The following MZT1 variants were observed in gnomAD, a reference collection of about 807,000 sequenced individuals.
MZT1 encodes the protein mitotic-spindle organizing protein 1.
A neutral mutation model predicts 8.5 loss-of-function variants in MZT1; 8 were observed. That is an observed-to-expected ratio of 0.94 (90% confidence interval 0.55 to 1.70). The LOEUF (loss-of-function observed/expected upper bound fraction) is 1.70. Among genes scored for constraint, MZT1 ranks in the 40% most tolerant of loss-of-function variants. The pLI, the probability that MZT1 is intolerant of heterozygous loss-of-function variation, is 0.00. For missense variants in MZT1, 93 were observed against 108.6 expected, an observed-to-expected ratio of 0.86 and a Z score of 0.64; for synonymous variants, 38 against 42.0, an observed-to-expected ratio of 0.90 and a Z score of 0.37.
At chr13:72,712,800 C>T (rs557135283) in intron 2 of MZT1, among the ~76,000 whole-genome samples, 1 of 152,294 alleles carries the variant, frequency 6.6e-6, no homozygotes, top group South Asian at 2.1e-4. Flanking sequence ...CTCTTATATG[C>T]ACTCAAACTG....
chr13:72,723,412 C>T (rs537839110), intron 1 of MZT1, among the ~76,000 whole-genome samples: 1 of 152,110 alleles, frequency 6.6e-6, no homozygotes, highest in African/African-American at 2.4e-5. Flanking sequence ...CCGCAAAATC[C>T]AAAACTTATT....
In MZT1 at chr13:72,708,851, G is replaced by T. The variant is rs1444452154; in HGVS notation, c.*1471C>A. Reference sequence around the variant, plus strand: ...TTAAAAAAAAAAAAAGGCAGAGAAGGTTGCTATTTAAATATTACCAAATCT... The same window carrying T: ...TTAAAAAAAAAAAAAGGCAGAGAAGTTTGCTATTTAAATATTACCAAATCT... On this transcript the variant is annotated 3_prime_UTR_variant, in exon 3 of 3. Coordinates refer to ENST00000377818, the MANE Select transcript of MZT1 (RefSeq NM_001071775.3). 1.3e-5 allele frequency: 2 copies of T among 148,776 alleles called. No homozygotes were observed. Among genetic ancestry groups the T allele is most frequent in the Admixed American group, 6.7e-5 (1 of 14,890 alleles). The allele number at this position is 148,776 out of a possible 1,614,324, so 9.2% of individuals were successfully genotyped here. A position where few individuals can be genotyped will look rare whatever the true frequency, so the allele number is the denominator to read the frequency against.
chr13:72,727,409 G>T, intron 1 of MZT1, 115 bp downstream of exon 1: 1 of 1,034,660 alleles, frequency 9.7e-7, no homozygotes, highest in Non-Finnish European at 1.5e-6. Flanking sequence ...AAAGATCTTG[G>T]AAGATGCCGT....
In MZT1 at chr13:72,710,294, CAT is replaced by C. The variant is rs758862559; in HGVS notation, c.*26_*27del. ...CTTCAAACCCTCTTGCAGAGCTTGA[CAT>C]ATCTCATCAGAATTTCTCCAGAAAG... On this transcript the variant is annotated 3_prime_UTR_variant, in exon 3 of 3. Transcript: ENST00000377818. 1.9e-6 allele frequency: 3 copies of C among 1,611,552 alleles called. No homozygotes were observed. The South Asian group carries it at 3.3e-5, about 18-fold the overall frequency.
At chr13:72,717,337 CTTT>C (rs1172063809) in intron 2 of MZT1, among the ~76,000 whole-genome samples, 7 of 110,984 alleles carry the variant, frequency 6.3e-5, no homozygotes, top group African/African-American at 3.1e-5. Flanking sequence ...CTGTCACTTT[CTTT>C]TTTTTTTTTT....
At chr13:72,720,180 G>A (rs2032578755) in intron 1 of MZT1, among the ~76,000 whole-genome samples, 1 of 152,076 alleles carries the variant, frequency 6.6e-6, no homozygotes, top group Non-Finnish European at 1.5e-5. Flanking sequence ...AAAATTTATT[G>A]AATGACCTAA....
chr13:72,727,002 G>C (rs1015076516), intron 1 of MZT1, among the ~76,000 whole-genome samples: 1 of 152,200 alleles, frequency 6.6e-6, no homozygotes, highest in African/African-American at 2.4e-5. Flanking sequence ...TGACCAAAGG[G>C]GAACTTGTTC....
intron 2 of MZT1, among the ~76,000 whole-genome samples, chr13:72,711,641 A>G (rs1352671672): frequency 1.3e-5 from 2 of 152,140 alleles, no homozygotes; most frequent in East Asian, 1.9e-4. Context: ...AATTCTAGAT[A>G]AAGATAGAAC....
chr13:72,724,556 TGAGATGGAGTC>T (rs1416132868), intron 1 of MZT1, among the ~76,000 whole-genome samples: 1 of 144,704 alleles, frequency 6.9e-6, no homozygotes, highest in Non-Finnish European at 1.5e-5. Flanking sequence ...TTTTTTTTTT[TGAGATGGAGTC>T]TAGCTCTGTC....
At chr13:72,719,623 G>A (rs531145698) in intron 1 of MZT1, among the ~76,000 whole-genome samples, 1 of 152,052 alleles carries the variant, frequency 6.6e-6, no homozygotes, top group Non-Finnish European at 1.5e-5. Context: ...TTAATTTGCT[G>A]AATTGACATA....
At chr13:72,719,310 C>T (rs1250806970) in intron 1 of MZT1, among the ~76,000 whole-genome samples, 1 of 152,164 alleles carries the variant, frequency 6.6e-6, no homozygotes, top group Non-Finnish European at 1.5e-5. Flanking sequence ...CTTCACATAA[C>T]TGCCTTTTAC....
At chr13:72,720,040 T>C (rs2032577618) in intron 1 of MZT1, among the ~76,000 whole-genome samples, 1 of 152,222 alleles carries the variant, frequency 6.6e-6, no homozygotes. Flanking sequence ...AAAGATTATA[T>C]CCACCAGTAT....
intron 1 of MZT1, among the ~76,000 whole-genome samples, chr13:72,722,778 G>C (rs1355717203): frequency 1.3e-5 from 2 of 152,058 alleles, no homozygotes; most frequent in Non-Finnish European, 2.9e-5. Context: ...CTTTCTTTTG[G>C]GGGGAAACCT....
In MZT1 at chr13:72,710,182, A is replaced by G. The variant is rs2032474607; in HGVS notation, c.*140T>C. On this transcript the variant is annotated 3_prime_UTR_variant, in exon 3 of 3. Transcript: ENST00000377818. ...CCACTTTCCACTGATTTATAAAGCT[A>G]TGGTTTTATAATTCTTTTAAAAAGT... The G allele has an allele frequency of 2.7e-6, 2 of 738,194 alleles. No homozygotes were observed. The highest frequency in any genetic ancestry group is 4.5e-6 in the Non-Finnish European group (2 of 442,044). 45.7% of individuals were successfully genotyped at this position (738,194 alleles called of 1,614,324 possible). A position where few individuals can be genotyped will look rare whatever the true frequency, so the allele number is the denominator to read the frequency against.
intron 2 of MZT1, among the ~76,000 whole-genome samples, chr13:72,712,376 A>G (rs2032496452): frequency 6.6e-6 from 1 of 152,134 alleles, no homozygotes; most frequent in South Asian, 2.1e-4. Context: ...GCAGTCTTAA[A>G]CTCCTGGCCT....
rs188536654 is a variant in MZT1 at position 72,717,496 on chromosome 13, C to T, written c.225+1456G>A. On this transcript the variant is annotated intron_variant, in intron 2 of 2. Transcript: ENST00000377818. ...CTGGGATTACAGGCATGTGCCACCA[C>T]GCCTGGCTAATTTTGTATTTTTAGT... 8.5e-5 allele frequency among the ~76,000 whole-genome samples: 13 copies of T among 152,150 alleles called. No individual in the cohort carries two copies. In the East Asian group the frequency reaches 1.7e-3, roughly 20 times the overall value.
At chr13:72,727,430 A>T in intron 1 of MZT1, 94 bp downstream of exon 1, 1 of 1,252,374 alleles carries the variant, frequency 8.0e-7, no homozygotes, top group Non-Finnish European at 1.2e-6. Flanking sequence ...TTGGGGCACT[A>T]AGGGGACCTG....
intron 1 of MZT1, among the ~76,000 whole-genome samples, chr13:72,724,773 C>T (rs1278205725): frequency 8.8e-6 from 1 of 113,000 alleles, no homozygotes; most frequent in Admixed American, 1.1e-4. Context: ...TGCTACAGGC[C>T]GGGCACAGTG....
chr13:72,720,430 T>C (rs2032580977), intron 1 of MZT1, among the ~76,000 whole-genome samples: 1 of 152,248 alleles, frequency 6.6e-6, no homozygotes, highest in South Asian at 2.1e-4. Flanking sequence ...TGATTAACTG[T>C]ATAAAAACTA....
Sources: allele counts gnomAD v4.1 joint callset (sites outside exome capture counted in the v4.1 genomes callset), GRCh38; gene constraint gnomAD v4.1.1; transcripts MANE v1.5; gene names NCBI Gene and HGNC (gene_info 2026-07-23, HGNC 2026-07-21).